The following ZFYVE28 variants were observed in gnomAD, a reference collection of about 807,000 sequenced individuals.
ZFYVE28 encodes zinc finger FYVE-type containing 28.
In ZFYVE28, 40 loss-of-function variants were observed where a neutral mutation model predicts 82.1. The observed-to-expected ratio is 0.49, with a 90% CI of 0.38 to 0.63. ZFYVE28 has a LOEUF of 0.63. ZFYVE28 is among the 30% of genes least tolerant of loss of function. ZFYVE28 has a pLI of 0.00. For synonymous variants in ZFYVE28, 612 were observed against 546.1 expected (o/e 1.12, Z -1.68); for missense variants, 1,321 against 1,242.1 (o/e 1.06, Z -0.96).
intron 6 of ZFYVE28, chr4:2,330,902 G>A (rs757671954): frequency 7.8e-6 from 12 of 1,534,270 alleles, no homozygotes; most frequent in East Asian, 2.5e-5. Flanking sequence ...TGGGAGCTCC[G>A]GCAAGGGTCT....
At chr4:2,270,905 C>T in intron 12 of ZFYVE28, 49 bp from the exon 13 acceptor site, 1 of 1,585,592 alleles carries the variant, frequency 6.3e-7, no homozygotes. Context: ...CAGCCCCACC[C>T]ACCCTGGCTC....
intron 8 of ZFYVE28, among the ~76,000 whole-genome samples, chr4:2,289,858 T>A (rs924525148): frequency 6.6e-6 from 1 of 151,880 alleles, no homozygotes; most frequent in Admixed American, 6.6e-5. Flanking sequence ...CACGGTGGTG[T>A]CCAGAAGAAC....
intron 1 of ZFYVE28, among the ~76,000 whole-genome samples, chr4:2,393,206 C>T (rs1430022233): frequency 1.3e-5 from 2 of 152,230 alleles, no homozygotes; most frequent in Non-Finnish European, 1.5e-5. Context: ...TGAAATCTCA[C>T]CGCATCCGCT....
At chr4:2,390,793 GA>G (rs1209830231) in intron 1 of ZFYVE28, among the ~76,000 whole-genome samples, 2 of 152,216 alleles carry the variant, frequency 1.3e-5, no homozygotes, top group African/African-American at 4.8e-5. Flanking sequence ...AGAATATAAT[GA>G]AGTTGTTTTC....
chr4:2,354,061 G>T lies in ZFYVE28; in HGVS notation c.52C>A (p.Gln18Lys). 6.4e-7 allele frequency: 1 copy of T among 1,568,238 alleles called. No individual in the cohort carries two copies. Residue 18 changes from glutamine to lysine, a missense_variant, in exon 2 of 13, where the codon CAG becomes AAG. By Grantham distance (53) the Gln-to-Lys change is moderately conservative. Transcript: ENST00000290974. Reference protein sequence around the residue: ...WLYKPKRSDPQLLARFYYADE... With the variant: ...WLYKPKRSDPKLLARFYYADE... ...GCATAGTAGAACCGGGCAAGCAGCTGCGGATCCGACCTCTGCAGGAGAGAG... is the reference window on the plus strand; with the variant it reads ...GCATAGTAGAACCGGGCAAGCAGCTTCGGATCCGACCTCTGCAGGAGAGAG...
chr4:2,410,887 T>C (rs965373704), intron 1 of ZFYVE28, among the ~76,000 whole-genome samples: 2 of 152,224 alleles, frequency 1.3e-5, no homozygotes, highest in Non-Finnish European at 2.9e-5. Flanking sequence ...TTGGCTGTTA[T>C]GTATAAAGCT....
At chr4:2,285,747 G>GAGGGC (rs953662424) in intron 8 of ZFYVE28, 9 of 152,582 alleles carry the variant, frequency 5.9e-5, no homozygotes, top group African/African-American at 2.2e-4. Context: ...GGACAGGAAG[G>GAGGGC]AGGGCTGGGC....
intron 1 of ZFYVE28, among the ~76,000 whole-genome samples, chr4:2,375,904 G>C (rs958767411): frequency 6.7e-6 from 1 of 149,504 alleles, no homozygotes. Flanking sequence ...ATGGAGTTTC[G>C]CTCTTTTTGC....
intron 11 of ZFYVE28, 102 bp from the exon 12 acceptor site, chr4:2,271,516 C>A: frequency 6.9e-7 from 1 of 1,449,002 alleles, no homozygotes; most frequent in South Asian, 1.2e-5. Flanking sequence ...ACTGCCAAGC[C>A]GCCTGGCCTC....
Position 2,305,151 on chromosome 4 carries a change from C to T in ZFYVE28, c.1189G>A (p.Glu397Lys). 3.1e-6 allele frequency: 5 copies of T among 1,589,784 alleles called. No homozygotes were observed. Among genetic ancestry groups the T allele is most frequent in the Non-Finnish European group, 4.3e-6 (5 of 1,166,084 alleles). ...RPRLRSGSDE[E>K]ERVFFMDDVE... ...TCATCCATGAAGAACACGCGCTCCT[C>T]CTCGTCACTGCCTGACCGCAGGCGC... Residue 397 changes from glutamate to lysine, a missense_variant, in exon 8 of 13, where the codon GAG becomes AAG. By Grantham distance (56) the Glu-to-Lys change is moderately conservative. Around this residue, in one of 2 missense-constraint regions of ZFYVE28, gnomAD observed 978 missense variants for 833.7 expected, o/e 1.17. Coordinates refer to ENST00000290974, the MANE Select transcript of ZFYVE28 (RefSeq NM_020972.3).
intron 7 of ZFYVE28, among the ~76,000 whole-genome samples, chr4:2,308,007 C>T (rs895393573): frequency 6.6e-6 from 1 of 152,202 alleles, no homozygotes; most frequent in African/African-American, 2.4e-5. Context: ...CCTATATATG[C>T]ATTGGTCTGT....
intron 8 of ZFYVE28, among the ~76,000 whole-genome samples, chr4:2,291,635 G>T (rs1476949183): frequency 6.6e-6 from 1 of 152,160 alleles, no homozygotes; most frequent in African/African-American, 2.4e-5. Flanking sequence ...GGGGGTCCTG[G>T]GGTCAGGAGA....
At chr4:2,270,912 G>T in intron 12 of ZFYVE28, 56 bp from the exon 13 acceptor site, 2 of 1,570,896 alleles carry the variant, frequency 1.3e-6, no homozygotes, top group Non-Finnish European at 8.6e-7. Flanking sequence ...ACCCACCCTG[G>T]CTCCTCGCCC....
At chr4:2,361,624 C>T (rs1276891602) in intron 1 of ZFYVE28, among the ~76,000 whole-genome samples, 3 of 152,194 alleles carry the variant, frequency 2.0e-5, no homozygotes, top group Non-Finnish European at 2.9e-5. Flanking sequence ...CATCACACCA[C>T]GCCTTCCACC....
Position 2,300,070 on chromosome 4 carries a change from T to C in ZFYVE28, c.2051+4219A>G, listed in dbSNP as rs145804024. 6.6e-6 allele frequency among the ~76,000 whole-genome samples: 1 copy of C among 152,234 alleles called. No homozygotes were observed. The highest frequency in any genetic ancestry group is 2.4e-5 in the African/African-American group (1 of 41,464). On this transcript the variant is annotated intron_variant, in intron 8 of 12. Transcript: ENST00000290974. The surrounding 1 kb of genome is among the most constrained non-coding windows in gnomAD (Gnocchi z 4.6). ...GCCTCAGCCCCCAAAGTGCTGGGAA[T>C]ACAAGCATAAGCCACCAGACCCAGA... is the stretch of plus-strand genomic sequence containing the variant.
chr4:2,337,568 C>T (rs896195228), intron 4 of ZFYVE28, 72 bp from the exon 5 acceptor site: 16 of 1,164,924 alleles, frequency 1.4e-5, no homozygotes, highest in Non-Finnish European at 1.9e-5. Flanking sequence ...GAGTGGGGGG[C>T]ATCTTCAATT....
intron 8 of ZFYVE28, among the ~76,000 whole-genome samples, chr4:2,290,375 T>C (rs940554620): frequency 2.0e-5 from 3 of 152,312 alleles, no homozygotes; most frequent in Admixed American, 2.0e-4. Context: ...GATCACAATG[T>C]GCCTGGTGAG....
At chr4:2,302,603 T>G (rs937308665) in intron 8 of ZFYVE28, among the ~76,000 whole-genome samples, 4 of 152,244 alleles carry the variant, frequency 2.6e-5, no homozygotes, top group African/African-American at 9.6e-5. Flanking sequence ...AGTGACCACA[T>G]GATCCGCAAT....
chr4:2,368,929 A>G (rs778974796), intron 1 of ZFYVE28, among the ~76,000 whole-genome samples: 9 of 152,256 alleles, frequency 5.9e-5, no homozygotes, highest in Admixed American at 3.9e-4. Flanking sequence ...ATCATAGAGC[A>G]GCAGTTGGTG....
Sources: allele counts gnomAD v4.1 joint callset (sites outside exome capture counted in the v4.1 genomes callset), GRCh38; gene constraint gnomAD v4.1.1; regional missense constraint gnomAD v4.1.1; non-coding constraint Gnocchi (gnomAD v3.1); transcripts MANE v1.5; gene names NCBI Gene and HGNC (gene_info 2026-07-23, HGNC 2026-07-21).